The following SYAP1 variants were observed in gnomAD, a reference collection of about 807,000 sequenced individuals.
SYAP1 encodes the protein synapse associated protein 1.
In SYAP1, 3 loss-of-function variants were observed where a neutral mutation model predicts 29.6. The observed-to-expected ratio is 0.10, with a 90% CI of 0.05 to 0.26. The LOEUF (loss-of-function observed/expected upper bound fraction) is 0.26, where lower values mean the gene tolerates loss of function less well. Ranked by LOEUF, SYAP1 falls within the 10% of genes least tolerant of loss-of-function variation. The pLI is 1.00. For synonymous variants in SYAP1, 102 were observed against 102.7 expected (o/e 0.99, Z 0.04); for missense variants, 217 against 264.1 (o/e 0.82, Z 1.24).
At chrX:16,731,713 G>T (rs1926208793) in intron 1 of SYAP1, among the ~76,000 whole-genome samples, 1 of 111,951 alleles carries the variant, frequency 8.9e-6, no homozygotes. Context: ...GCTGAGGTGG[G>T]CGGAACATCT....
At position 16,762,548 on chromosome X, in the gene SYAP1, A is replaced by G. The variant is rs1481480190; in HGVS notation, c.*2189A>G. ...TAGGTAACTGAAGTGTTATTCCTTT[A>G]AAGAGCAAAATAATTTATCACCATG... is the stretch of plus-strand genomic sequence containing the variant. On this transcript the variant is annotated 3_prime_UTR_variant, in exon 9 of 9. Transcript: ENST00000380155. The G allele has an allele frequency of 8.9e-6, 1 of 112,417 alleles. No individual in the cohort carries two copies. The highest frequency in any genetic ancestry group is 3.2e-5 in the African/African-American group (1 of 30,986). The allele number at this position is 112,417 out of a possible 1,213,427, so 9.3% of individuals were successfully genotyped here.
At chrX:16,749,086 C>G (rs1340722219) in intron 5 of SYAP1, among the ~76,000 whole-genome samples, 2 of 110,157 alleles carry the variant, frequency 1.8e-5, no homozygotes, top group African/African-American at 6.6e-5. Flanking sequence ...GACAAGGTAT[C>G]TCTCTGTTGC....
chrX:16,762,947 C>T lies in SYAP1; in HGVS notation c.*2588C>T, dbSNP rs1348596513. 1 of 111,643 alleles carries T rather than the reference C, an allele frequency of 9.0e-6. No homozygotes were observed. The highest frequency in any genetic ancestry group is 9.6e-5 in the Admixed American group (1 of 10,427). The allele number at this position is 111,643 out of a possible 1,213,427, so 9.2% of individuals were successfully genotyped here. A position where few individuals can be genotyped will look rare whatever the true frequency, so the allele number is the denominator to read the frequency against. Reference sequence around the variant, plus strand: ...AGCAGTGTTTTTCTAGTTGGCATTACAGGTGTCTCCTCTGAGGTTCCAGTT... The same window carrying T: ...AGCAGTGTTTTTCTAGTTGGCATTATAGGTGTCTCCTCTGAGGTTCCAGTT... On this transcript the variant is annotated 3_prime_UTR_variant, in exon 9 of 9. Transcript: ENST00000380155.
chrX:16,753,117 G>A (rs1173932769), intron 5 of SYAP1, among the ~76,000 whole-genome samples: 2 of 109,352 alleles, frequency 1.8e-5, no homozygotes, highest in East Asian at 2.9e-4. Flanking sequence ...GGTGGTGGGC[G>A]CCTGTGATCC....
At chrX:16,735,407 T>G in intron 2 of SYAP1, 62 bp downstream of exon 2, 1 of 714,727 alleles carries the variant, frequency 1.4e-6, no homozygotes, top group South Asian at 2.6e-5. Context: ...TCTTGATGGT[T>G]TCTTCTTCTT....
Position 16,763,114 on chromosome X carries a change from C to T in SYAP1, c.*2755C>T, listed in dbSNP as rs1411720126. ...ACCAGCCTGGGCAACATAGGGAGAC[C>T]CCTGCCTCTACAAAAATACAAATGA... On this transcript the variant is annotated 3_prime_UTR_variant, in exon 9 of 9. Transcript: ENST00000380155. 1 of 109,425 alleles carries T rather than the reference C, an allele frequency of 9.1e-6. No individual in the cohort carries two copies. Among genetic ancestry groups the T allele is most frequent in the Non-Finnish European group, 1.9e-5 (1 of 52,631 alleles). The allele number at this position is 109,425 out of a possible 1,213,427, so 9.0% of individuals were successfully genotyped here.
At chrX:16,736,477 C>A in intron 3 of SYAP1, 2 of 306,852 alleles carry the variant, frequency 6.5e-6, no homozygotes, top group Non-Finnish European at 5.9e-6. Context: ...GTGAAAGGGG[C>A]AAGTAAGCTT....
chrX:16,751,161 A>C (rs1926720854), intron 5 of SYAP1, among the ~76,000 whole-genome samples: 1 of 110,135 alleles, frequency 9.1e-6, no homozygotes, highest in Admixed American at 9.8e-5. Context: ...CCTTCTAAAA[A>C]AATGGGATAG....
At chrX:16,744,132 G>C (rs1333529813) in intron 5 of SYAP1, among the ~76,000 whole-genome samples, 1 of 112,489 alleles carries the variant, frequency 8.9e-6, no homozygotes, top group Admixed American at 9.5e-5. Context: ...TCTGGTCTCT[G>C]AGGCTCATCG....
chrX:16,757,051 A>G, intron 7 of SYAP1, 111 bp from the exon 8 acceptor site: 1 of 975,289 alleles, frequency 1.0e-6, no homozygotes, highest in East Asian at 3.1e-5. Flanking sequence ...TACAGCTCGC[A>G]GAGAAAAGAA....
At chrX:16,742,915 CTTCTATTTTT>C (rs1334137927) in intron 4 of SYAP1, among the ~76,000 whole-genome samples, 1 of 99,409 alleles carries the variant, frequency 1.0e-5, no homozygotes, top group East Asian at 3.3e-4. Flanking sequence ...ACCCTGTCCG[CTTCTATTTTT>C]TTTTTTTTTT....
chrX:16,756,639 G>T (rs781641478), intron 6 of SYAP1, 24 bp from the exon 7 acceptor site: 1 of 1,190,892 alleles, frequency 8.4e-7, no homozygotes, highest in African/African-American at 1.8e-5. Context: ...AGCAATTATT[G>T]TCTCTCTTAT....
intron 5 of SYAP1, among the ~76,000 whole-genome samples, chrX:16,749,137 C>T (rs141126745): frequency 9.0e-6 from 1 of 110,715 alleles, no homozygotes; most frequent in Non-Finnish European, 1.9e-5. Flanking sequence ...CTCACTGCAG[C>T]CTCAACCTCC....
chrX:16,734,651 C>G (rs770425755), intron 1 of SYAP1, among the ~76,000 whole-genome samples: 2 of 110,371 alleles, frequency 1.8e-5, no homozygotes, highest in Non-Finnish European at 3.8e-5. Context: ...GAGACTTGAG[C>G]AAGAAAATTT....
intron 3 of SYAP1, among the ~76,000 whole-genome samples, chrX:16,739,528 G>A (rs1926406834): frequency 1.0e-5 from 1 of 100,348 alleles, no homozygotes; most frequent in East Asian, 3.1e-4. Context: ...CCAGGCTGGA[G>A]TGCAGTGGCA....
rs765605386 is a variant in SYAP1, at chrX:16,735,336, C to A, written c.285C>A (p.Ile95=). Residue 95 remains isoleucine (I), a synonymous_variant, in exon 2 of 9, where the codon ATC becomes ATA. Coordinates refer to ENST00000380155, the MANE Select transcript of SYAP1 (RefSeq NM_032796.4). ...TAGAAGAAGGAAAAATAGATGGCAT[C>A]ATTGACAAGGTATATTCAATTATCT... is the stretch of plus-strand genomic sequence containing the variant. ...KSVEEGKIDG[I]IDKTIIGDFQ... 1.8e-6 allele frequency: 2 copies of A among 1,128,559 alleles called. No individual in the cohort carries two copies. Among genetic ancestry groups the A allele is most frequent in the East Asian group, 6.0e-5 (2 of 33,142 alleles). The allele number at this position is 1,128,559 out of a possible 1,213,427, so 93.0% of individuals were successfully genotyped here.
chrX:16,743,402 G>A (rs1361060781), intron 4 of SYAP1, among the ~76,000 whole-genome samples: 1 of 109,422 alleles, frequency 9.1e-6, no homozygotes, highest in Non-Finnish European at 1.9e-5. Flanking sequence ...TTGGGAAGCC[G>A]AGGCAGGTGG....
At chrX:16,736,508 T>A in intron 3 of SYAP1, 1 of 217,451 alleles carries the variant, frequency 4.6e-6, no homozygotes, top group Non-Finnish European at 8.4e-6. Context: ...CTTTCTCTTT[T>A]CTTTTCCCCC....
chrX:16,749,328 T>C (rs1051410539), intron 5 of SYAP1, among the ~76,000 whole-genome samples: 3 of 111,352 alleles, frequency 2.7e-5, no homozygotes, highest in African/African-American at 9.8e-5. Flanking sequence ...ATGCTGGGAT[T>C]ACAGGTGTGA....
Sources: gnomAD v4.1 joint callset for allele counts (sites outside exome capture counted in the v4.1 genomes callset) on GRCh38, gnomAD v4.1.1 for gene constraint, MANE v1.5 for transcripts, NCBI Gene and HGNC (gene_info 2026-07-23, HGNC 2026-07-21) for gene names.